Variants in PBX3 observed in about 807,000 individuals in gnomAD.
PBX3 encodes the protein pre-B-cell leukemia transcription factor 3.
A neutral mutation model predicts 48.5 loss-of-function variants in PBX3; 14 were observed. The ratio of observed to expected loss-of-function variants is 0.29; its 90% CI spans 0.19 to 0.45. The LOEUF is 0.45. Among genes scored for constraint, PBX3 ranks in the 20% least tolerant of loss-of-function variants. PBX3 has a pLI of 1.00. For missense variants in PBX3, 386 were observed against 546.7 expected, an observed-to-expected ratio of 0.71 and a Z score of 2.93; for synonymous variants, 210 against 200.3, an observed-to-expected ratio of 1.05 and a Z score of -0.41.
chr9:125,891,019 A>AACATTTAGCTCT (rs1840629230), intron 2 of PBX3, among the ~76,000 whole-genome samples: 3 of 152,240 alleles, frequency 2.0e-5, no homozygotes, highest in Non-Finnish European at 4.4e-5. Flanking sequence ...CAACCATGAT[A>AACATTTAGCTCT]ACATTTAGCT....
At chr9:125,915,246 T>C (rs1841298926) in intron 2 of PBX3, among the ~76,000 whole-genome samples, 1 of 152,210 alleles carries the variant, frequency 6.6e-6, no homozygotes, top group Non-Finnish European at 1.5e-5. Context: ...TAATTCTGTT[T>C]CTCCAACTGT....
intron 2 of PBX3, among the ~76,000 whole-genome samples, chr9:125,773,017 A>C (rs1836979791): frequency 2.0e-5 from 3 of 152,180 alleles, no homozygotes. Context: ...GGCAGGGATG[A>C]CATCATTGAG....
intron 2 of PBX3, among the ~76,000 whole-genome samples, chr9:125,823,117 G>A (rs541222712): frequency 2.0e-5 from 3 of 152,250 alleles, no homozygotes; most frequent in African/African-American, 7.2e-5. Flanking sequence ...GGTCATATTT[G>A]ATGACGCTTC....
chr9:125,956,568 A>C (rs1392505889), intron 5 of PBX3, among the ~76,000 whole-genome samples: 2 of 152,252 alleles, frequency 1.3e-5, no homozygotes, highest in Non-Finnish European at 1.5e-5. Flanking sequence ...CCAGAAAATC[A>C]GCGGACTGCA....
intron 6 of PBX3, among the ~76,000 whole-genome samples, chr9:125,961,245 G>A (rs1192506059): frequency 6.6e-6 from 1 of 152,238 alleles, no homozygotes; most frequent in Non-Finnish European, 1.5e-5. Context: ...AAGCTGGAAT[G>A]CTGGAGGGAA....
chr9:125,928,459 A>ATT (rs200023708), intron 3 of PBX3, among the ~76,000 whole-genome samples: 7 of 128,764 alleles, frequency 5.4e-5, no homozygotes, highest in Non-Finnish European at 3.4e-5. Context: ...ATGTCTGAGG[A>ATT]TTTTTTTTTT....
At chr9:125,907,938 T>C (rs1453126198) in intron 2 of PBX3, among the ~76,000 whole-genome samples, 2 of 152,140 alleles carry the variant, frequency 1.3e-5, no homozygotes, top group African/African-American at 4.8e-5. Context: ...CCTGTAAGGT[T>C]ATTTTAAAAA....
intron 2 of PBX3, among the ~76,000 whole-genome samples, chr9:125,853,721 T>C (rs948212318): frequency 2.6e-5 from 4 of 152,244 alleles, no homozygotes; most frequent in African/African-American, 4.8e-5. Flanking sequence ...TTATTAAAGA[T>C]TGCAACTATT....
chr9:125,781,694 T>G (rs1837322612), intron 2 of PBX3, among the ~76,000 whole-genome samples: 3 of 152,058 alleles, frequency 2.0e-5, no homozygotes, highest in Admixed American at 6.5e-5. Context: ...TGTGTTTTGT[T>G]GTTTCCACTC....
chr9:125,865,212 A>T (rs189699284), intron 2 of PBX3: 1 of 168,942 alleles, frequency 5.9e-6, no homozygotes, highest in African/African-American at 2.4e-5. Flanking sequence ...ATGATTTTCT[A>T]TATGGCCAGA....
At chr9:125,819,502 G>A (rs1335526107) in intron 2 of PBX3, among the ~76,000 whole-genome samples, 1 of 151,900 alleles carries the variant, frequency 6.6e-6, no homozygotes, top group Non-Finnish European at 1.5e-5. Flanking sequence ...TCCAGCCTGG[G>A]CAACAAGAGT....
intron 2 of PBX3, among the ~76,000 whole-genome samples, chr9:125,905,815 T>G (rs912252006): frequency 6.6e-6 from 1 of 152,008 alleles, no homozygotes; most frequent in Non-Finnish European, 1.5e-5. Flanking sequence ...GTAAATAAAT[T>G]TTTCCATTAT....
At chr9:125,758,174 A>G (rs1051695041) in intron 2 of PBX3, among the ~76,000 whole-genome samples, 2 of 152,198 alleles carry the variant, frequency 1.3e-5, no homozygotes, top group South Asian at 2.1e-4. Flanking sequence ...TGTTCTGTCA[A>G]TGTATTGCAT....
intron 2 of PBX3, among the ~76,000 whole-genome samples, chr9:125,773,357 G>T (rs1836990224): frequency 6.6e-6 from 1 of 152,190 alleles, no homozygotes; most frequent in Non-Finnish European, 1.5e-5. Flanking sequence ...TGTCCTTTCA[G>T]AAAGCCTTTT....
intron 2 of PBX3, among the ~76,000 whole-genome samples, chr9:125,899,112 A>T (rs1840844193): frequency 6.6e-6 from 1 of 150,506 alleles, no homozygotes; most frequent in South Asian, 2.1e-4. Flanking sequence ...TTGTTTTCCA[A>T]AAAACTTATG....
At chr9:125,863,829 A>C (rs1476508284) in intron 2 of PBX3, among the ~76,000 whole-genome samples, 1 of 152,106 alleles carries the variant, frequency 6.6e-6, no homozygotes, top group Admixed American at 6.6e-5. Flanking sequence ...TCTTTTTACT[A>C]ATCATACCTG....
intron 2 of PBX3, among the ~76,000 whole-genome samples, chr9:125,801,635 A>G (rs1837947667): frequency 6.6e-6 from 1 of 151,280 alleles, no homozygotes; most frequent in African/African-American, 2.4e-5. Flanking sequence ...TTAGTGATGT[A>G]TGTTATCGTG....
At chr9:125,783,405 C>T (rs773867865) in intron 2 of PBX3, among the ~76,000 whole-genome samples, 3 of 151,788 alleles carry the variant, frequency 2.0e-5, no homozygotes, top group African/African-American at 4.8e-5. Flanking sequence ...CTCCTGCCTC[C>T]GCCTCCTGAG....
At chr9:125,768,283 AT>A (rs1836853115) in intron 2 of PBX3, among the ~76,000 whole-genome samples, 1 of 152,190 alleles carries the variant, frequency 6.6e-6, no homozygotes, top group African/African-American at 2.4e-5. Flanking sequence ...TAGAATCTGT[AT>A]TTAATTTGTT....
Sources: allele counts gnomAD v4.1 joint callset (sites outside exome capture counted in the v4.1 genomes callset), GRCh38; gene constraint gnomAD v4.1.1; transcripts MANE v1.5; gene names NCBI Gene and HGNC (gene_info 2026-07-23, HGNC 2026-07-21).